SLC22A23: variants seen among roughly 807,000 people sequenced by gnomAD.
SLC22A23 encodes solute carrier family 22 member 23.
Under a neutral mutation model 61.0 loss-of-function variants are expected in SLC22A23, and 26 were observed. That is an observed-to-expected ratio of 0.43 (90% CI 0.31 to 0.59). SLC22A23 has a LOEUF of 0.59. Ranked by LOEUF, SLC22A23 falls within the 20% of genes least tolerant of loss-of-function variation. SLC22A23 has a pLI of 0.11. For missense variants in SLC22A23, 796 were observed against 934.7 expected, an observed-to-expected ratio of 0.85 and a Z score of 1.94; for synonymous variants, 430 against 413.9, an observed-to-expected ratio of 1.04 and a Z score of -0.47.
At chr6:3,287,885 A>G (rs1760195476) in intron 6 of SLC22A23, among the ~76,000 whole-genome samples, 3 of 152,198 alleles carry the variant, frequency 2.0e-5, no homozygotes, top group Admixed American at 6.5e-5. Context: ...GGGTTTCACC[A>G]TGTTGGACAG....
rs1157517844 is a variant in SLC22A23, at chr6:3,386,203, G to C, written c.913+23985C>G. 6.6e-6 allele frequency among the ~76,000 whole-genome samples: 1 copy of C among 152,138 alleles called. No homozygotes were observed. The highest frequency in any genetic ancestry group is 6.5e-5 in the Admixed American group (1 of 15,276). On this transcript the variant is annotated intron_variant, in intron 3 of 9. Transcript: ENST00000406686. The surrounding 1 kb of genome is among the most constrained non-coding windows in gnomAD (Gnocchi z 4.4). ...TGATCTGGGTTGACATTAGCTGGGA[G>C]CATCACAGGGAAGCCAGTGTGCCCT...
chr6:3,335,521 C>A (rs1056188851), intron 3 of SLC22A23, among the ~76,000 whole-genome samples: 1 of 152,154 alleles, frequency 6.6e-6, no homozygotes, highest in African/African-American at 2.4e-5. Flanking sequence ...TTCCTCTCGC[C>A]CCATGTATCA....
intron 3 of SLC22A23, among the ~76,000 whole-genome samples, chr6:3,334,970 A>T (rs956875209): frequency 6.6e-6 from 1 of 152,218 alleles, no homozygotes; most frequent in Non-Finnish European, 1.5e-5. Flanking sequence ...CCTTTGGAGA[A>T]TACAAGTCCC....
intron 4 of SLC22A23, among the ~76,000 whole-genome samples, chr6:3,307,095 T>C (rs909571114): frequency 3.3e-5 from 5 of 152,184 alleles, no homozygotes; most frequent in African/African-American, 9.6e-5. Context: ...TGATGGGCCA[T>C]GAACATGCTG....
At chr6:3,335,377 G>A (rs1763796302) in intron 3 of SLC22A23, among the ~76,000 whole-genome samples, 1 of 152,128 alleles carries the variant, frequency 6.6e-6, no homozygotes, top group African/African-American at 2.4e-5. Context: ...CACAGTGTCT[G>A]CCTTTGAATT....
At chr6:3,290,057 C>T (rs1284244121) in intron 5 of SLC22A23, 191 bp from the exon 6 acceptor site, 1 of 611,720 alleles carries the variant, frequency 1.6e-6, no homozygotes, top group Non-Finnish European at 2.9e-6. Context: ...AAGACCCCAG[C>T]TTTGCAGTTC....
intron 3 of SLC22A23, among the ~76,000 whole-genome samples, chr6:3,344,490 C>T (rs1362335436): frequency 1.3e-5 from 2 of 152,152 alleles, no homozygotes; most frequent in Non-Finnish European, 2.9e-5. Context: ...AGGACACAAG[C>T]GGTAGTGTCT....
intron 9 of SLC22A23, among the ~76,000 whole-genome samples, chr6:3,280,101 A>AT (rs1295220047): frequency 6.6e-6 from 1 of 152,188 alleles, no homozygotes; most frequent in Admixed American, 6.5e-5. Flanking sequence ...TATTTGTACC[A>AT]TTTTTTATAG....
intron 3 of SLC22A23, among the ~76,000 whole-genome samples, chr6:3,391,104 G>T (rs565043812): frequency 2.3e-4 from 35 of 152,198 alleles, no homozygotes; most frequent in Non-Finnish European, 4.0e-4. Flanking sequence ...TGACTCGGGG[G>T]AATCAACCAG....
rs1759990746 is a variant in SLC22A23 at position 3,286,230 on chromosome 6, C to G, written c.1546+629G>C. ...TCTTCTGCCTCAGCCTCCTGAGTAGCTGGGACTACAGGCGTGTACCACCAA... is the reference window on the plus strand; with the variant it reads ...TCTTCTGCCTCAGCCTCCTGAGTAGGTGGGACTACAGGCGTGTACCACCAA... On this transcript the variant is annotated intron_variant, in intron 7 of 9. Coordinates refer to ENST00000406686, the MANE Select transcript of SLC22A23 (RefSeq NM_015482.2). This position sits in a 1 kb window ranked among gnomAD's most constrained non-coding sequence, Gnocchi z 4.2. Among the ~76,000 whole-genome samples, 1 of 152,044 alleles carries G rather than the reference C, an allele frequency of 6.6e-6. No homozygotes were observed. Among genetic ancestry groups the G allele is most frequent in the East Asian group, 1.9e-4 (1 of 5,194 alleles).
In SLC22A23 at chr6:3,455,994, G is replaced by A; in HGVS notation, c.566C>T (p.Pro189Leu). 1.3e-6 allele frequency: 2 copies of A among 1,547,428 alleles called. No individual in the cohort carries two copies. The highest frequency in any genetic ancestry group is 1.7e-4 in the Middle Eastern group (1 of 5,948). Residue 189 changes from proline (P) to leucine (L), a missense_variant, in exon 1 of 10, where the codon CCG becomes CTG. Pro to Leu is a moderately conservative substitution (Grantham distance 98). Transcript: ENST00000406686. ...GGDTPPLPSP[P>L]DKGDNASNCD... ...GTTGGAGGCGTTGTCCCCCTTGTCC[G>A]GAGGGGATGGCAGGGGTGGTGTGTC... is the stretch of plus-strand genomic sequence containing the variant.
At chr6:3,452,928 A>T (rs1172341562) in intron 1 of SLC22A23, among the ~76,000 whole-genome samples, 1 of 152,232 alleles carries the variant, frequency 6.6e-6, no homozygotes, top group African/African-American at 2.4e-5. Flanking sequence ...TCCTGATTTC[A>T]TCCACCACTC....
At position 3,273,230 on chromosome 6, in the gene SLC22A23, TTC is replaced by T; in HGVS notation, c.1884_1885del (p.Asn629HisfsTer3). ...CGTGTAGTGCTCCCCGTTAGAAATGTTCTCAGGCAGGTTCTGGTCCCTGCTCT... is the reference window on the plus strand; with the variant it reads ...CGTGTAGTGCTCCCCGTTAGAAATGTTCAGGCAGGTTCTGGTCCCTGCTCT... On this transcript the variant is annotated frameshift_variant, in exon 10 of 10. Coordinates refer to ENST00000406686, the MANE Select transcript of SLC22A23 (RefSeq NM_015482.2). LOFTEE classifies it high-confidence loss of function. 6.2e-7 allele frequency: 1 copy of T among 1,612,982 alleles called. No individual in the cohort carries two copies. Among genetic ancestry groups the T allele is most frequent in the Non-Finnish European group, 8.5e-7 (1 of 1,179,210 alleles).
At chr6:3,378,738 A>C (rs1172151682) in intron 3 of SLC22A23, among the ~76,000 whole-genome samples, 4 of 145,376 alleles carry the variant, frequency 2.8e-5, no homozygotes, top group African/African-American at 1.0e-4. Flanking sequence ...GCTCACTGCA[A>C]CCTCCGCCTC....
At chr6:3,417,866 G>C (rs1769835543) in intron 1 of SLC22A23, among the ~76,000 whole-genome samples, 1 of 152,226 alleles carries the variant, frequency 6.6e-6, no homozygotes, top group African/African-American at 2.4e-5. Context: ...GGGTCGTACA[G>C]CTAGGTGATG....
chr6:3,441,932 G>A (rs1455374076), intron 1 of SLC22A23, among the ~76,000 whole-genome samples: 1 of 152,180 alleles, frequency 6.6e-6, no homozygotes, highest in Non-Finnish European at 1.5e-5. Context: ...GGCACGGGAG[G>A]GATGGAGGGA....
intron 3 of SLC22A23, among the ~76,000 whole-genome samples, chr6:3,374,727 C>T (rs1198959670): frequency 6.6e-6 from 1 of 152,182 alleles, no homozygotes; most frequent in East Asian, 1.9e-4. Flanking sequence ...GAGCAAGGAG[C>T]TGACAAGTTG....
chr6:3,443,741 A>T (rs1490191542), intron 1 of SLC22A23, among the ~76,000 whole-genome samples: 2 of 151,780 alleles, frequency 1.3e-5, no homozygotes, highest in Non-Finnish European at 2.9e-5. Context: ...CCTTTCCCTC[A>T]CCCCAATCCA....
At chr6:3,378,657 C>CTTTTTTTTTT (rs574704294) in intron 3 of SLC22A23, among the ~76,000 whole-genome samples, 8 of 119,110 alleles carry the variant, frequency 6.7e-5, no homozygotes, top group African/African-American at 1.2e-4. Context: ...TTTCTTTTTT[C>CTTTTTTTTTT]TTTTTTTTTT....
Sources: gnomAD v4.1 joint callset for allele counts (sites outside exome capture counted in the v4.1 genomes callset) on GRCh38, gnomAD v4.1.1 for gene constraint, Gnocchi (gnomAD v3.1) non-coding constraint, MANE v1.5 for transcripts, NCBI Gene and HGNC (gene_info 2026-07-23, HGNC 2026-07-21) for gene names.